PROSER1: variants seen among roughly 807,000 people sequenced by gnomAD.
PROSER1 encodes proline and serine-rich protein 1.
PROSER1 carries 36 observed loss-of-function variants against 71.8 expected under a neutral mutation model. The observed-to-expected ratio is 0.50, with a 90% CI of 0.38 to 0.66. The LOEUF is 0.66. Ranked by LOEUF, PROSER1 falls within the 30% of genes least tolerant of loss-of-function variation. The probability of loss-of-function intolerance (pLI) is 0.00; values close to 1 mark genes in which losing one functional copy is unlikely to be tolerated. For synonymous variants in PROSER1, 490 were observed against 452.4 expected (o/e 1.08, Z -1.06); for missense variants, 1,107 against 1,135.0 (o/e 0.98, Z 0.35).
intron 6 of PROSER1, among the ~76,000 whole-genome samples, chr13:39,025,269 G>A (rs1870493749): frequency 6.6e-6 from 1 of 152,314 alleles, no homozygotes; most frequent in South Asian, 2.1e-4. Context: ...ATCAGAATAA[G>A]TTGATAGATT....
In PROSER1 at chr13:39,012,214, C is replaced by G. The variant is rs1869698620; in HGVS notation, c.2581G>C (p.Ala861Pro). 6.2e-7 allele frequency: 1 copy of G among 1,614,114 alleles called. No individual in the cohort carries two copies. Among genetic ancestry groups the G allele is most frequent in the African/African-American group, 1.3e-5 (1 of 75,054 alleles). The change falls in exon 12 of 13, where the codon GCT (alanine) becomes CCT (proline). Residue 861 changes from alanine (A) to proline (P), a missense_variant. Physicochemically the swap from Ala to Pro is conservative, Grantham distance 27 (BLOSUM62 -1). Coordinates refer to ENST00000352251, the MANE Select transcript of PROSER1 (RefSeq NM_025138.5). ...CCTGGAAAAACAGAACTGCCTGCAG[C>G]TTGAAGTCCAGATGATAAACTAAAA... The part of the protein sequence containing the change: ...AQAGLSSGLQ[A>P]AGSSVFPGLL...
At chr13:39,019,131 G>A (rs1415751787) in intron 9 of PROSER1, among the ~76,000 whole-genome samples, 1 of 152,060 alleles carries the variant, frequency 6.6e-6, no homozygotes, top group African/African-American at 2.4e-5. Flanking sequence ...AACAAGTCAT[G>A]ATCAAAGGCA....
chr13:39,012,322 TAAAAAC>T, intron 11 of PROSER1, 89 bp from the exon 12 acceptor site: 1 of 1,399,284 alleles, frequency 7.1e-7, no homozygotes, highest in Non-Finnish European at 9.9e-7. Context: ...CTTAAAATGT[TAAAAAC>T]AAAACAAAAA....
At chr13:39,012,270 C>T (rs1270595410) in intron 11 of PROSER1, 37 bp from the exon 12 acceptor site, 1 of 1,598,018 alleles carries the variant, frequency 6.3e-7, no homozygotes, top group Non-Finnish European at 8.6e-7. Context: ...TAACTGCAGA[C>T]AAGACATAAA....
In PROSER1 at chr13:39,031,613, A is replaced by G. The variant is rs1049313320; in HGVS notation, c.130T>C (p.Tyr44His). Reference protein sequence around the residue: ...SSEQVVDLLRYFSWAEPQLKA... With the variant: ...SSEQVVDLLRHFSWAEPQLKA... ...AACTGGGGCTCGGCCCAGGAAAAATATCTCAGCAAATCAACCACCTGAAAA... is the reference window on the plus strand; with the variant it reads ...AACTGGGGCTCGGCCCAGGAAAAATGTCTCAGCAAATCAACCACCTGAAAA... Residue 44 changes from tyrosine to histidine, a missense_variant, in exon 3 of 13, where the codon TAT (tyrosine) becomes CAT (histidine). Tyr to His is a moderately conservative substitution (Grantham distance 83). Coordinates refer to ENST00000352251, the MANE Select transcript of PROSER1 (RefSeq NM_025138.5). 3 of 1,613,332 alleles carry G rather than the reference A, an allele frequency of 1.9e-6. No individual in the cohort carries two copies. Among genetic ancestry groups the G allele is most frequent in the Non-Finnish European group, 2.5e-6 (3 of 1,179,718 alleles).
At chr13:39,032,219 A>T (rs188009880) in intron 2 of PROSER1, among the ~76,000 whole-genome samples, 9 of 152,284 alleles carry the variant, frequency 5.9e-5, no homozygotes, top group Admixed American at 5.9e-4. Context: ...TCAAATCATA[A>T]ATCTAGTCCC....
Position 39,018,495 on chromosome 13 carries a change from C to CACAA in PROSER1, c.731-952_731-951insTTGT, listed in dbSNP as rs1555239007. Among the ~76,000 whole-genome samples the CACAA allele has an allele frequency of 1.2e-3, 172 of 147,432 alleles. 2 individuals are homozygous for CACAA. Among genetic ancestry groups the CACAA allele is most frequent in the Middle Eastern group, 3.5e-3 (1 of 288 alleles). Reference sequence around the variant, plus strand: ...CCCGACACACACACACACACACACACACACACACACACACACACACACTAC... The same window carrying CACAA: ...CCCGACACACACACACACACACACACACAAACACACACACACACACACACACTAC... On this transcript the variant is annotated intron_variant, in intron 9 of 12. Coordinates refer to ENST00000352251, the MANE Select transcript of PROSER1 (RefSeq NM_025138.5).
intron 4 of PROSER1, chr13:39,029,055 C>CA (rs974471770): frequency 9.2e-6 from 3 of 327,814 alleles, no homozygotes; most frequent in Admixed American, 9.7e-5. Flanking sequence ...AACTGAAATA[C>CA]AAAAAATCAA....
In PROSER1 at chr13:39,037,382, G is replaced by A. The variant is rs1426236263; in HGVS notation, c.-140C>T. The A allele has an allele frequency of 7.5e-6, 5 of 670,766 alleles. No homozygotes were observed. Among genetic ancestry groups the A allele is most frequent in the Admixed American group, 2.8e-5 (1 of 35,906 alleles). 41.6% of individuals were successfully genotyped at this position (670,766 alleles called of 1,614,324 possible). ...CCACGAGCAAGAGAGGATGCGAAGA[G>A]GTAGAGAGTATTGCAAACTTCGCAA... is the stretch of plus-strand genomic sequence containing the variant. On this transcript the variant is annotated 5_prime_UTR_variant, in exon 1 of 13. Coordinates refer to ENST00000352251, the MANE Select transcript of PROSER1 (RefSeq NM_025138.5).
chr13:39,024,265 T>TCTA (rs1870436999), intron 7 of PROSER1, among the ~76,000 whole-genome samples: 1 of 152,144 alleles, frequency 6.6e-6, no homozygotes, highest in Non-Finnish European at 1.5e-5. Context: ...TTTCACTGAT[T>TCTA]CTACTTTAAA....
In PROSER1 at chr13:39,013,809, G is replaced by C. The variant is rs752827018; in HGVS notation, c.1443C>G (p.Thr481=). 3.1e-6 allele frequency: 5 copies of C among 1,614,108 alleles called. No homozygotes were observed. Among genetic ancestry groups the C allele is most frequent in the East Asian group, 2.2e-5 (1 of 44,896 alleles). The change falls in exon 11 of 13, where the codon ACC becomes ACG. Residue 481 remains threonine, a synonymous_variant. Coordinates refer to ENST00000352251, the MANE Select transcript of PROSER1 (RefSeq NM_025138.5). ...ALKGFLTSND[T]NLINSSALSS... is the part of the protein sequence containing the mutation. ...ATAAAGCAGAGGAGTTGATTAAATT[G>C]GTGTCATTGGATGTCAGAAAACCTT...
chr13:39,032,509 C>G (rs371655743), intron 2 of PROSER1, among the ~76,000 whole-genome samples: 3 of 152,126 alleles, frequency 2.0e-5, no homozygotes, highest in Non-Finnish European at 4.4e-5. Context: ...TGAAAATACG[C>G]TAAGGTTCCA....
intron 5 of PROSER1, among the ~76,000 whole-genome samples, chr13:39,026,856 C>T (rs1870569916): frequency 6.6e-6 from 1 of 152,002 alleles, no homozygotes; most frequent in Non-Finnish European, 1.5e-5. Context: ...ACCTACATAC[C>T]GTTCAAAAAC....
At position 39,037,573 on chromosome 13, in the gene PROSER1, G is replaced by C. The variant is rs570348025; in HGVS notation, c.-331C>G. 2 of 240,488 alleles carry C rather than the reference G, an allele frequency of 8.3e-6. No individual in the cohort carries two copies. The highest frequency in any genetic ancestry group is 1.6e-5 in the Non-Finnish European group (2 of 124,974). The allele number at this position is 240,488 out of a possible 1,614,324, so 14.9% of individuals were successfully genotyped here. A position where few individuals can be genotyped will look rare whatever the true frequency, so the allele number is the denominator to read the frequency against. On this transcript the variant is annotated 5_prime_UTR_variant, in exon 1 of 13. Coordinates refer to ENST00000352251, the MANE Select transcript of PROSER1 (RefSeq NM_025138.5). ...AACCCGGGCTCGGCGGCAGGTTTGAGTGCGGTTTCCCTGCAGCTGAGGGCC... is the reference window on the plus strand; with the variant it reads ...AACCCGGGCTCGGCGGCAGGTTTGACTGCGGTTTCCCTGCAGCTGAGGGCC...
chr13:39,020,502 A>G (rs1870239254), intron 9 of PROSER1, among the ~76,000 whole-genome samples: 1 of 152,148 alleles, frequency 6.6e-6, no homozygotes, highest in Admixed American at 6.5e-5. Context: ...AGAACACACT[A>G]CAAATCTGGT....
chr13:39,025,486 T>C (rs1261960870), intron 6 of PROSER1, among the ~76,000 whole-genome samples: 3 of 152,186 alleles, frequency 2.0e-5, no homozygotes, highest in African/African-American at 7.2e-5. Flanking sequence ...TCCACTTGTC[T>C]TCTCTTGCTT....
intron 4 of PROSER1, among the ~76,000 whole-genome samples, 200 bp from the exon 5 acceptor site, chr13:39,028,520 GAAAAGT>G (rs1870657190): frequency 6.6e-6 from 1 of 152,026 alleles, no homozygotes; most frequent in African/African-American, 2.4e-5. Context: ...TCTGATTACT[GAAAAGT>G]AAAACAGTAA....
In PROSER1 at chr13:39,012,966, G is replaced by T. The variant is rs1393982883; in HGVS notation, c.2286C>A (p.Phe762Leu). Reference sequence around the variant, plus strand: ...GAACAGCAGTGGACAGGTTGAGGGGGAAAGGTGCTGCTGAGACTGGTGCTG... The same window carrying T: ...GAACAGCAGTGGACAGGTTGAGGGGTAAAGGTGCTGCTGAGACTGGTGCTG... The part of the protein sequence containing the change: ...SASAPVSAAP[F>L]PLNLSTAVPS... The change falls in exon 11 of 13, where the codon TTC becomes TTA. Residue 762 changes from phenylalanine to leucine, a missense_variant. Phe to Leu is a conservative substitution (Grantham distance 22). Transcript: ENST00000352251. 1 of 1,614,146 alleles carries T rather than the reference G, an allele frequency of 6.2e-7. No individual in the cohort carries two copies. The highest frequency in any genetic ancestry group is 8.5e-7 in the Non-Finnish European group (1 of 1,180,012).
intron 4 of PROSER1, 87 bp from the exon 5 acceptor site, chr13:39,028,407 G>A: frequency 1.5e-6 from 1 of 674,442 alleles, no homozygotes; most frequent in South Asian, 1.8e-5. Flanking sequence ...ACAAACATCT[G>A]AGTAAGCGTT....
Sources: gnomAD v4.1 joint callset for allele counts (sites outside exome capture counted in the v4.1 genomes callset) on GRCh38, gnomAD v4.1.1 for gene constraint, MANE v1.5 for transcripts, NCBI Gene and HGNC (gene_info 2026-07-23, HGNC 2026-07-21) for gene names.